The following AGAP1 variants were observed in gnomAD, a reference collection of about 807,000 sequenced individuals.
AGAP1 encodes the protein ArfGAP with GTPase domain, ankyrin repeat and PH domain 1, also known as arf-GAP with GTPase, ANK repeat and PH domain-containing protein 1.
A neutral mutation model predicts 105.3 loss-of-function variants in AGAP1; 29 were observed. That is an observed-to-expected ratio of 0.28 (90% CI 0.21 to 0.38). The LOEUF (loss-of-function observed/expected upper bound fraction) is 0.38. AGAP1 is among the 10% of genes least tolerant of loss of function. The pLI is 1.00. For synonymous variants in AGAP1, 509 were observed against 485.9 expected (o/e 1.05, Z -0.63); for missense variants, 998 against 1,165.1 (o/e 0.86, Z 2.09).
At chr2:235,564,219 G>A (rs1944265585) in intron 1 of AGAP1, among the ~76,000 whole-genome samples, 1 of 152,196 alleles carries the variant, frequency 6.6e-6, no homozygotes, top group South Asian at 2.1e-4. Context: ...GACCAGGGGT[G>A]ACAGCCAGGA....
chr2:235,657,912 G>A (rs1559319747), intron 1 of AGAP1, among the ~76,000 whole-genome samples: 1 of 152,166 alleles, frequency 6.6e-6, no homozygotes, highest in Non-Finnish European at 1.5e-5. Context: ...ACACACAGAG[G>A]AAAGACCATG....
chr2:235,903,734 G>C (rs1221535391), intron 10 of AGAP1, among the ~76,000 whole-genome samples: 2 of 152,086 alleles, frequency 1.3e-5, no homozygotes, highest in Non-Finnish European at 2.9e-5. Context: ...GTTTTGGGGA[G>C]AATTCTTGTA....
Position 235,958,888 on chromosome 2 carries a change from C to T in AGAP1, c.1484-9574C>T, listed in dbSNP as rs1015115156. Among the ~76,000 whole-genome samples, 3 of 152,220 alleles carry T rather than the reference C, an allele frequency of 2.0e-5. No individual in the cohort carries two copies. The highest frequency in any genetic ancestry group is 4.4e-5 in the Non-Finnish European group (3 of 68,044). On this transcript the variant is annotated intron_variant, in intron 12 of 17. Transcript: ENST00000304032. This position sits in a 1 kb window ranked among gnomAD's most constrained non-coding sequence, Gnocchi z 4.1. ...AACTGCTTCTTTGACTCATACTTCA[C>T]GTTCCGAAGCTCGGAGAGACTGCAG...
intron 12 of AGAP1, among the ~76,000 whole-genome samples, chr2:235,941,685 A>G (rs952978711): frequency 1.3e-5 from 2 of 151,830 alleles, no homozygotes; most frequent in African/African-American, 4.8e-5. Flanking sequence ...CTAGCGCTTT[A>G]TCGTATGCAG....
Position 235,945,392 on chromosome 2 carries a change from G to A in AGAP1, c.1483+14469G>A, listed in dbSNP as rs114278866. On this transcript the variant is annotated intron_variant, in intron 12 of 17. Coordinates refer to ENST00000304032, the MANE Select transcript of AGAP1 (RefSeq NM_001037131.3). ...AAAATTATTTCATTACAGAAGCATGGTTAACGCGTGCGCTAGCAGAAAAGT... is the reference window on the plus strand; with the variant it reads ...AAAATTATTTCATTACAGAAGCATGATTAACGCGTGCGCTAGCAGAAAAGT... 6.5e-3 allele frequency among the ~76,000 whole-genome samples: 992 copies of A among 152,270 alleles called. 8 individuals are homozygous for A. Among genetic ancestry groups the A allele is most frequent in the African/African-American group, 0.022 (909 of 41,544 alleles).
At chr2:235,561,910 A>G (rs932426487) in intron 1 of AGAP1, among the ~76,000 whole-genome samples, 7 of 152,170 alleles carry the variant, frequency 4.6e-5, no homozygotes, top group African/African-American at 1.7e-4. Context: ...ATTTTACAAA[A>G]TTCAAGGCTT....
At chr2:235,861,123 G>GC (rs1236556481) in intron 9 of AGAP1, among the ~76,000 whole-genome samples, 8 of 152,146 alleles carry the variant, frequency 5.3e-5, no homozygotes, top group Admixed American at 5.2e-4. Flanking sequence ...TTGAAACAAG[G>GC]CCATTTTTAG....
At chr2:235,852,993 A>G in intron 9 of AGAP1, 8 of 1,249,496 alleles carry the variant, frequency 6.4e-6, no homozygotes, top group Non-Finnish European at 8.1e-6. Flanking sequence ...AGCTGGAGAA[A>G]TGGAGCGCTC....
At chr2:235,576,024 C>T (rs1386346942) in intron 1 of AGAP1, among the ~76,000 whole-genome samples, 1 of 152,230 alleles carries the variant, frequency 6.6e-6, no homozygotes, top group Non-Finnish European at 1.5e-5. Flanking sequence ...ACCTAAGCCT[C>T]TCTGGGTGTC....
intron 12 of AGAP1, among the ~76,000 whole-genome samples, chr2:235,932,780 G>C (rs2052783588): frequency 6.6e-6 from 1 of 152,240 alleles, no homozygotes; most frequent in Non-Finnish European, 1.5e-5. Context: ...CGTATGTGCA[G>C]TGGGCGTTTC....
At chr2:235,975,227 G>C (rs2054807284) in intron 13 of AGAP1, among the ~76,000 whole-genome samples, 1 of 152,142 alleles carries the variant, frequency 6.6e-6, no homozygotes, top group Non-Finnish European at 1.5e-5. Context: ...AACAGATGTT[G>C]CTATTGATCA....
In AGAP1 at chr2:235,936,969, C is replaced by T. The variant is rs1460593535; in HGVS notation, c.1483+6046C>T. On this transcript the variant is annotated intron_variant, in intron 12 of 17. Coordinates refer to ENST00000304032, the MANE Select transcript of AGAP1 (RefSeq NM_001037131.3). This position sits in a 1 kb window ranked among gnomAD's most constrained non-coding sequence, Gnocchi z 4.7. ...TTTAAGGAGAAACGCATGCTTAGTA[C>T]TAAAACATTGTATCATAAAAATTGT... Among the ~76,000 whole-genome samples the T allele has an allele frequency of 6.6e-6, 1 of 151,756 alleles. No individual in the cohort carries two copies. The highest frequency in any genetic ancestry group is 1.5e-5 in the Non-Finnish European group (1 of 67,980).
chr2:235,630,278 A>G (rs1399082033), intron 1 of AGAP1, among the ~76,000 whole-genome samples: 3 of 152,092 alleles, frequency 2.0e-5, no homozygotes, highest in African/African-American at 7.2e-5. Flanking sequence ...CAATGGCACT[A>G]TCTCAGCTCA....
At chr2:235,776,834 C>T (rs1575428013) in intron 6 of AGAP1, 1 of 463,552 alleles carries the variant, frequency 2.2e-6, no homozygotes, top group South Asian at 1.6e-5. Flanking sequence ...GCATCGGCAC[C>T]AACTCGGAGC....
intron 6 of AGAP1, among the ~76,000 whole-genome samples, chr2:235,770,307 T>C (rs995574668): frequency 6.6e-6 from 1 of 152,050 alleles, no homozygotes; most frequent in Non-Finnish European, 1.5e-5. Context: ...GCTAATTTTT[T>C]TTGTATTTTT....
At chr2:235,580,884 GGGTGTAATGTGGCCCT>G (rs553250523) in intron 1 of AGAP1, among the ~76,000 whole-genome samples, 95 of 152,258 alleles carry the variant, frequency 6.2e-4, no homozygotes, top group African/African-American at 2.2e-3. Context: ...CTCGACCTTA[GGGTGTAATGTGGCCCT>G]GCTCCTTGTA....
At chr2:235,684,527 A>G (rs1172541763) in intron 1 of AGAP1, among the ~76,000 whole-genome samples, 5 of 152,332 alleles carry the variant, frequency 3.3e-5, no homozygotes, top group Non-Finnish European at 2.9e-5. Flanking sequence ...AGGATTTGCC[A>G]GCTGCTTCTG....
intron 16 of AGAP1, among the ~76,000 whole-genome samples, chr2:236,099,837 C>G (rs185704926): frequency 2.8e-4 from 43 of 152,164 alleles, no homozygotes; most frequent in African/African-American, 9.9e-4. Context: ...GTCAGGAGTT[C>G]GAGACCAGCT....
intron 9 of AGAP1, among the ~76,000 whole-genome samples, chr2:235,827,736 G>C (rs1959150066): frequency 6.6e-6 from 1 of 152,204 alleles, no homozygotes; most frequent in Non-Finnish European, 1.5e-5. Flanking sequence ...AGTCAGGGAG[G>C]CTTTCCTTTA....
Sources: allele counts gnomAD v4.1 joint callset (sites outside exome capture counted in the v4.1 genomes callset), GRCh38; gene constraint gnomAD v4.1.1; non-coding constraint Gnocchi (gnomAD v3.1); transcripts MANE v1.5; gene names NCBI Gene and HGNC (gene_info 2026-07-23, HGNC 2026-07-21).